SYNE3: variants seen among roughly 807,000 people sequenced by gnomAD.
The protein encoded by SYNE3 is nesprin-3.
SYNE3 carries 100 observed loss-of-function variants against 111.2 expected under a neutral mutation model. The ratio of observed to expected loss-of-function variants is 0.90; its 90% CI spans 0.77 to 1.06. The LOEUF is 1.06. Ranked by LOEUF, SYNE3 falls within the 50% of genes least tolerant of loss-of-function variation. The pLI is 0.00. For missense variants in SYNE3, 1,160 were observed against 1,240.3 expected, an observed-to-expected ratio of 0.94 and a Z score of 0.97; for synonymous variants, 547 against 533.9, an observed-to-expected ratio of 1.02 and a Z score of -0.34.
chr14:95,505,830 CAG>C (rs1315106754), intron 1 of SYNE3, among the ~76,000 whole-genome samples: 2 of 152,148 alleles, frequency 1.3e-5, no homozygotes, highest in East Asian at 1.9e-4. Context: ...TGGTTAGAGA[CAG>C]AGAGAGGCTA....
chr14:95,456,013 A>G (rs1357231609), intron 5 of SYNE3: 1 of 437,684 alleles, frequency 2.3e-6, no homozygotes, highest in Non-Finnish European at 4.0e-6. Context: ...ACATTTGTTT[A>G]TCTTCCTTTC....
intron 8 of SYNE3, among the ~76,000 whole-genome samples, chr14:95,448,376 C>CCCACTGGACCCTTGGAAAGAA: frequency 6.6e-6 from 1 of 152,168 alleles, no homozygotes; most frequent in South Asian, 2.1e-4. Context: ...AAAGAAAGGC[C>CCCACTGGACCCTTGGAAAGAA]ATGCCCTGCA....
At chr14:95,463,100 G>T (rs1887942376) in intron 4 of SYNE3, among the ~76,000 whole-genome samples, 1 of 152,182 alleles carries the variant, frequency 6.6e-6, no homozygotes, top group African/African-American at 2.4e-5. Context: ...AGGTTGCAGT[G>T]AGCTGAGATC....
intron 15 of SYNE3, among the ~76,000 whole-genome samples, chr14:95,434,598 G>T (rs912611514): frequency 6.6e-6 from 1 of 152,176 alleles, no homozygotes; most frequent in Non-Finnish European, 1.5e-5. Context: ...CAGAATGAAA[G>T]GTCCCTACTC....
Position 95,443,135 on chromosome 14 carries a change from C to A in SYNE3, c.1911+20G>T. On this transcript the variant is annotated intron_variant, in intron 11 of 17. Transcript: ENST00000682763. ...GGCCGGCTCTCTGTCAAAGCACAGG[C>A]CCTTCTGCCAGCCCCTTACCTCCAG... 1 of 1,613,262 alleles carries A rather than the reference C, an allele frequency of 6.2e-7. No individual in the cohort carries two copies. The highest frequency in any genetic ancestry group is 1.3e-5 in the African/African-American group (1 of 75,040).
chr14:95,426,588 A>G (rs987266992), intron 17 of SYNE3, among the ~76,000 whole-genome samples: 3 of 152,182 alleles, frequency 2.0e-5, no homozygotes, highest in African/African-American at 7.2e-5. Context: ...TTTTGCAAAA[A>G]AAAATCATAA....
chr14:95,441,848 G>A (rs529020319), intron 11 of SYNE3, among the ~76,000 whole-genome samples: 1 of 152,384 alleles, frequency 6.6e-6, no homozygotes, highest in Non-Finnish European at 1.5e-5. Flanking sequence ...GGGAGGGTTT[G>A]CAGTTGCTGC....
At chr14:95,452,595 T>A (rs1367936397) in intron 6 of SYNE3, among the ~76,000 whole-genome samples, 1 of 152,228 alleles carries the variant, frequency 6.6e-6, no homozygotes, top group African/African-American at 2.4e-5. Flanking sequence ...TGTCTGGTGC[T>A]GGGCTACAGT....
At position 95,409,061 on chromosome 14, in the gene SYNE3, C is replaced by T. The variant is rs1903361810; in HGVS notation, c.*8765G>A. The stretch of plus-strand genomic sequence containing the variant: ...GCTGCCCCTGCTTTGGAATGTTGCC[C>T]TCCAGCTAACTCACCAGCTGCCAGA... On this transcript the variant is annotated 3_prime_UTR_variant, in exon 18 of 18. Transcript: ENST00000682763. 2.3e-6 allele frequency: 1 copy of T among 434,746 alleles called. No homozygotes were observed. 26.9% of individuals were successfully genotyped at this position (434,746 alleles called of 1,614,324 possible).
Position 95,465,812 on chromosome 14 carries a change from AG to A in SYNE3, c.627+118del. The A allele has an allele frequency of 6.3e-6, 7 of 1,110,528 alleles. No homozygotes were observed. In the South Asian group the frequency reaches 1.2e-4, roughly 19 times the overall value. 68.8% of individuals were successfully genotyped at this position (1,110,528 alleles called of 1,614,324 possible). A position where few individuals can be genotyped will look rare whatever the true frequency, so the allele number is the denominator to read the frequency against. ...GTGAGTAGATGGATTGATAGTAGAA[AG>A]ATAGATTGATAGTAGGTAAATAGCT... On this transcript the variant is annotated intron_variant, in intron 4 of 17. Transcript: ENST00000682763.
chr14:95,510,952 C>T (rs1319851965), intron 1 of SYNE3, among the ~76,000 whole-genome samples: 1 of 152,256 alleles, frequency 6.6e-6, no homozygotes, highest in African/African-American at 2.4e-5. Flanking sequence ...GGAAAGCCAT[C>T]ACCCAACTGT....
chr14:95,433,427 G>C lies in SYNE3; in HGVS notation c.2539-18C>G. ...TCCAGCTCCTGGGGGAAACAGCAGC[G>C]TCATGGTGCGGCTTCCAAATGGCCC... On this transcript the variant is annotated intron_variant, in intron 15 of 17. Coordinates refer to ENST00000682763, the MANE Select transcript of SYNE3 (RefSeq NM_152592.6). 1 of 1,612,900 alleles carries C rather than the reference G, an allele frequency of 6.2e-7. No homozygotes were observed. Among genetic ancestry groups the C allele is most frequent in the Non-Finnish European group, 8.5e-7 (1 of 1,179,286 alleles).
Position 95,439,659 on chromosome 14 carries a change from C to G in SYNE3, c.2199G>C (p.Leu733=), listed in dbSNP as rs1042052154. The change falls in exon 13 of 18, where the codon CTG becomes CTC. Residue 733 remains leucine (L), a synonymous_variant. Coordinates refer to ENST00000682763, the MANE Select transcript of SYNE3 (RefSeq NM_152592.6). ...GCCTCAAGGCCCGCCACGACTCTGC[C>G]AGCTCCCTGAGCTCCTCCTGCACCA... is the stretch of plus-strand genomic sequence containing the variant. The part of the protein sequence containing the change: ...AAVVQEELRE[L]AESWRALRLL... 6.2e-7 allele frequency: 1 copy of G among 1,613,764 alleles called. No individual in the cohort carries two copies. The highest frequency in any genetic ancestry group is 1.3e-5 in the African/African-American group (1 of 74,932).
intron 1 of SYNE3, among the ~76,000 whole-genome samples, chr14:95,512,288 T>A (rs1185867077): frequency 6.6e-6 from 1 of 152,176 alleles, no homozygotes; most frequent in Non-Finnish European, 1.5e-5. Flanking sequence ...CATCTGAAAA[T>A]GCTCCACATG....
At position 95,445,763 on chromosome 14, in the gene SYNE3, A is replaced by G. The variant is rs543989185; in HGVS notation, c.1632+146T>C. 1.9e-5 allele frequency: 16 copies of G among 825,674 alleles called. No homozygotes were observed. In the Admixed American group the frequency reaches 2.3e-4, roughly 12 times the overall value. 51.1% of individuals were successfully genotyped at this position (825,674 alleles called of 1,614,324 possible). Reference sequence around the variant, plus strand: ...CCAGTTTACACATGAGGAGGCTGAGATGGTCAGGGACAAAGGGATACACCC... The same window carrying G: ...CCAGTTTACACATGAGGAGGCTGAGGTGGTCAGGGACAAAGGGATACACCC... On this transcript the variant is annotated intron_variant, in intron 9 of 17. Transcript: ENST00000682763.
Position 95,457,320 on chromosome 14 carries a change from C to G in SYNE3, c.646G>C (p.Glu216Gln), listed in dbSNP as rs1279290612. ...TCCTCATGCTCCCGGGCCACCTGCT[C>G]CAGCAGATCTACACGCTTCTGTGGG... Reference protein sequence around the residue: ...AKAQKRVDLLEQVAREHEEYQ... With the variant: ...AKAQKRVDLLQQVAREHEEYQ... The change falls in exon 5 of 18, where the codon GAG becomes CAG. Residue 216 changes from glutamate (E) to glutamine (Q), a missense_variant. By Grantham distance (29) the Glu-to-Gln change is conservative (BLOSUM62 2). Coordinates refer to ENST00000682763, the MANE Select transcript of SYNE3 (RefSeq NM_152592.6). The G allele has an allele frequency of 5.0e-6, 8 of 1,611,014 alleles. No homozygotes were observed. Among genetic ancestry groups the G allele is most frequent in the Non-Finnish European group, 6.8e-6 (8 of 1,178,530 alleles).
In SYNE3 at chr14:95,466,292, G is replaced by A. The variant is rs745537438; in HGVS notation, c.318-52C>T. 3.6e-5 allele frequency: 55 copies of A among 1,516,378 alleles called. No homozygotes were observed. The East Asian group carries it at 3.7e-4, about 10-fold the overall frequency. The allele number at this position is 1,516,378 out of a possible 1,614,324, so 93.9% of individuals were successfully genotyped here. A position where few individuals can be genotyped will look rare whatever the true frequency, so the allele number is the denominator to read the frequency against. On this transcript the variant is annotated intron_variant, in intron 3 of 17. Coordinates refer to ENST00000682763, the MANE Select transcript of SYNE3 (RefSeq NM_152592.6). ...TGAGGGAACCAGCCACCTGCCTCCT[G>A]GGTCGGGGGTCTGTGCTGTCACCCC...
chr14:95,460,763 A>G (rs1887754333), intron 4 of SYNE3, among the ~76,000 whole-genome samples: 1 of 152,176 alleles, frequency 6.6e-6, no homozygotes, highest in Non-Finnish European at 1.5e-5. Context: ...AGCCTCCTCC[A>G]TCAACAGGAA....
chr14:95,424,044 C>T (rs1885304080), intron 17 of SYNE3, among the ~76,000 whole-genome samples: 1 of 151,794 alleles, frequency 6.6e-6, no homozygotes, highest in Admixed American at 6.6e-5. Flanking sequence ...TGTGGGACCC[C>T]CAAGGAAACA....
Sources: allele counts gnomAD v4.1 joint callset (sites outside exome capture counted in the v4.1 genomes callset), GRCh38; gene constraint gnomAD v4.1.1; transcripts MANE v1.5; gene names NCBI Gene and HGNC (gene_info 2026-07-23, HGNC 2026-07-21).